The following TBC1D22A variants were observed in gnomAD, a reference collection of about 807,000 sequenced individuals.
The protein encoded by TBC1D22A is putative GTPase activator.
In TBC1D22A, 38 loss-of-function variants were observed where a neutral mutation model predicts 60.2. That is an observed-to-expected ratio of 0.63 (90% CI 0.49 to 0.83). The LOEUF (loss-of-function observed/expected upper bound fraction) is 0.83, where lower values mean the gene tolerates loss of function less well. Ranked by LOEUF, TBC1D22A falls within the 40% of genes least tolerant of loss-of-function variation. TBC1D22A has a pLI of 0.00. For synonymous variants in TBC1D22A, 302 were observed against 281.7 expected (o/e 1.07, Z -0.72); for missense variants, 628 against 701.0 (o/e 0.90, Z 1.18).
At chr22:46,811,383 G>A (rs1396167790) in intron 4 of TBC1D22A, among the ~76,000 whole-genome samples, 1 of 152,218 alleles carries the variant, frequency 6.6e-6, no homozygotes, top group South Asian at 2.1e-4. Flanking sequence ...GCTGGACGGT[G>A]ATGAGCACTT....
At chr22:47,142,872 C>A in intron 12 of TBC1D22A, among the ~76,000 whole-genome samples, 1 of 146,066 alleles carries the variant, frequency 6.8e-6, no homozygotes, top group African/African-American at 2.6e-5. Flanking sequence ...ATCCATCCAC[C>A]CATCCACCCA....
intron 10 of TBC1D22A, among the ~76,000 whole-genome samples, chr22:46,998,146 T>C (rs925643104): frequency 6.6e-6 from 1 of 152,232 alleles, no homozygotes; most frequent in South Asian, 2.1e-4. Context: ...ATAGAAAAAT[T>C]ATAGTATGTG....
chr22:46,856,803 C>T (rs1035303081), intron 4 of TBC1D22A, among the ~76,000 whole-genome samples: 1 of 152,164 alleles, frequency 6.6e-6, no homozygotes, highest in Admixed American at 6.5e-5. Context: ...TATTATTAGA[C>T]ATTTAGATCT....
At chr22:47,078,808 A>G (rs1329821713) in intron 11 of TBC1D22A, among the ~76,000 whole-genome samples, 1 of 152,144 alleles carries the variant, frequency 6.6e-6, no homozygotes. Flanking sequence ...ACATTCATCT[A>G]AGGTCTATCA....
chr22:46,925,813 T>G (rs1211923702), intron 8 of TBC1D22A, among the ~76,000 whole-genome samples: 1 of 152,134 alleles, frequency 6.6e-6, no homozygotes, highest in Non-Finnish European at 1.5e-5. Context: ...GAAAACCAAC[T>G]AGATCTAGTA....
chr22:46,999,322 C>T (rs2075230545), intron 10 of TBC1D22A, among the ~76,000 whole-genome samples: 1 of 152,190 alleles, frequency 6.6e-6, no homozygotes, highest in South Asian at 2.1e-4. Context: ...AGCGCAGTCT[C>T]TGAGTAGGCC....
At chr22:47,093,619 G>A (rs183362551) in intron 11 of TBC1D22A, among the ~76,000 whole-genome samples, 13 of 152,180 alleles carry the variant, frequency 8.5e-5, no homozygotes, top group Non-Finnish European at 1.5e-4. Context: ...CCAGTCAATT[G>A]GTATATAAAA....
intron 4 of TBC1D22A, among the ~76,000 whole-genome samples, chr22:46,844,959 C>T (rs1217230303): frequency 1.3e-5 from 2 of 152,154 alleles, no homozygotes; most frequent in Admixed American, 1.3e-4. Flanking sequence ...TAGGACTTCT[C>T]CAACTCTGGA....
intron 8 of TBC1D22A, among the ~76,000 whole-genome samples, chr22:46,941,596 G>A (rs1367315801): frequency 6.8e-6 from 1 of 147,430 alleles, no homozygotes; most frequent in Non-Finnish European, 1.5e-5. Flanking sequence ...TATATATACG[G>A]AATATATATA....
At chr22:46,827,013 A>G (rs1417865937) in intron 4 of TBC1D22A, among the ~76,000 whole-genome samples, 3 of 151,496 alleles carry the variant, frequency 2.0e-5, no homozygotes, top group Non-Finnish European at 4.4e-5. Context: ...CCAGGAAGCC[A>G]TCAACAGAGA....
intron 10 of TBC1D22A, among the ~76,000 whole-genome samples, chr22:47,025,827 A>G (rs1209588087): frequency 5.9e-5 from 9 of 152,194 alleles, no homozygotes; most frequent in Admixed American, 4.6e-4. Flanking sequence ...GTGTCAGACG[A>G]GGCTGTGCTA....
At chr22:46,985,304 G>C (rs781017786) in intron 9 of TBC1D22A, among the ~76,000 whole-genome samples, 1 of 152,184 alleles carries the variant, frequency 6.6e-6, no homozygotes, top group Non-Finnish European at 1.5e-5. Flanking sequence ...AGTCCGTTTA[G>C]ATGTGTCAAA....
At chr22:46,835,326 G>A (rs558578421) in intron 4 of TBC1D22A, among the ~76,000 whole-genome samples, 13 of 152,226 alleles carry the variant, frequency 8.5e-5, no homozygotes, top group Non-Finnish European at 1.5e-4. Context: ...TAAGACAATT[G>A]AGAAAACAGA....
At chr22:47,084,541 A>G (rs1213369037) in intron 11 of TBC1D22A, among the ~76,000 whole-genome samples, 1 of 152,186 alleles carries the variant, frequency 6.6e-6, no homozygotes, top group Non-Finnish European at 1.5e-5. Flanking sequence ...GTTGAGAGCC[A>G]CTGCTCTAGG....
intron 4 of TBC1D22A, among the ~76,000 whole-genome samples, chr22:46,806,270 GA>G (rs1569064039): frequency 6.6e-6 from 1 of 151,880 alleles, no homozygotes; most frequent in South Asian, 2.1e-4. Flanking sequence ...GGTGTAGAGG[GA>G]CTCAGTAAAT....
chr22:47,065,807 C>T (rs1014372784), intron 11 of TBC1D22A, among the ~76,000 whole-genome samples: 7 of 152,106 alleles, frequency 4.6e-5, no homozygotes, highest in Non-Finnish European at 8.8e-5. Flanking sequence ...TTGGCCACGT[C>T]GTGAATCCTG....
At chr22:46,898,374 A>T (rs1179954715) in intron 7 of TBC1D22A, among the ~76,000 whole-genome samples, 3 of 152,174 alleles carry the variant, frequency 2.0e-5, no homozygotes, top group Non-Finnish European at 4.4e-5. Context: ...AAAGTTAAGG[A>T]CACACGCCTG....
chr22:46,863,741 A>G (rs1202898641), intron 4 of TBC1D22A, among the ~76,000 whole-genome samples: 1 of 152,144 alleles, frequency 6.6e-6, no homozygotes, highest in Non-Finnish European at 1.5e-5. Context: ...TTCAGTCCCC[A>G]TGTCTCTGTC....
intron 11 of TBC1D22A, among the ~76,000 whole-genome samples, chr22:47,044,832 G>A (rs963539619): frequency 2.0e-5 from 3 of 152,248 alleles, no homozygotes; most frequent in Admixed American, 2.0e-4. Context: ...TGTCTGGAAA[G>A]TCCTTAGCGA....
Sources: gnomAD v4.1 joint callset for allele counts (sites outside exome capture counted in the v4.1 genomes callset) on GRCh38, gnomAD v4.1.1 for gene constraint, MANE v1.5 for transcripts, NCBI Gene and HGNC (gene_info 2026-07-23, HGNC 2026-07-21) for gene names.